Variants in GATA6 observed in about 807,000 individuals in gnomAD.
The protein encoded by GATA6 is GATA binding protein 6.
Under a neutral mutation model 48.1 loss-of-function variants are expected in GATA6, and 11 were observed. The ratio of observed to expected loss-of-function variants is 0.23; its 90% CI spans 0.14 to 0.38. GATA6 has a LOEUF of 0.38. GATA6 is among the 10% of genes least tolerant of loss of function. GATA6 has a pLI of 1.00. For synonymous variants in GATA6, 419 were observed against 396.1 expected, an observed-to-expected ratio of 1.06 and a Z score of -0.69; for missense variants, 795 against 850.3, an observed-to-expected ratio of 0.93 and a Z score of 0.81.
intron 4 of GATA6, among the ~76,000 whole-genome samples, chr18:22,182,246 A>T (rs1278969402): frequency 2.0e-5 from 3 of 152,088 alleles, no homozygotes; most frequent in Non-Finnish European, 2.9e-5. Context: ...AAATCATCTC[A>T]TTCTTTCTGA....
intron 6 of GATA6, among the ~76,000 whole-genome samples, chr18:22,196,018 C>T (rs1314953501): frequency 6.6e-6 from 1 of 152,236 alleles, no homozygotes; most frequent in Non-Finnish European, 1.5e-5. Flanking sequence ...CTTGACATTG[C>T]AGCTAACTGC....
chr18:22,172,090 G>C lies in GATA6; in HGVS notation c.946G>C (p.Ala316Pro), dbSNP rs1345945623. ...GCCCCAGTACAGCTCGCTGTCGGCCGCGCGGCCGCTGAACGGGACGTACCA... is the reference window on the plus strand; with the variant it reads ...GCCCCAGTACAGCTCGCTGTCGGCCCCGCGGCCGCTGAACGGGACGTACCA... ...REPQYSSLSAARPLNGTYHHH... is the reference protein window; with the variant it reads ...REPQYSSLSAPRPLNGTYHHH... Residue 316 changes from alanine (A) to proline (P), a missense_variant, in exon 2 of 7, where the codon GCG becomes CCG. Coordinates refer to ENST00000269216, the MANE Select transcript of GATA6 (RefSeq NM_005257.6). The surrounding 1 kb of genome is among the most constrained non-coding windows in gnomAD (Gnocchi z 5.2). The C allele has an allele frequency of 1.0e-5, 15 of 1,463,850 alleles. No individual in the cohort carries two copies. The East Asian group carries it at 2.9e-4, about 28-fold the overall frequency. The allele number at this position is 1,463,850 out of a possible 1,614,324, so 90.7% of individuals were successfully genotyped here.
intron 6 of GATA6, among the ~76,000 whole-genome samples, chr18:22,193,595 AGG>A (rs1376074157): frequency 1.3e-5 from 2 of 152,202 alleles, no homozygotes; most frequent in African/African-American, 4.8e-5. Flanking sequence ...ATGTGTAGGA[AGG>A]ACGGATCAGA....
intron 3 of GATA6, 152 bp from the exon 4 acceptor site, chr18:22,181,301 T>C (rs1479814466): frequency 1.1e-6 from 1 of 926,382 alleles, no homozygotes; most frequent in Non-Finnish European, 1.6e-6. Flanking sequence ...TCAGTATAAG[T>C]ACACTGCAAT....
intron 3 of GATA6, among the ~76,000 whole-genome samples, chr18:22,179,496 AAAG>A (rs2033167604): frequency 6.6e-6 from 1 of 152,220 alleles, no homozygotes; most frequent in Admixed American, 6.5e-5. Context: ...TGACAGTCAT[AAAG>A]TCCTTTGTTA....
chr18:22,171,690 G>A lies in GATA6; in HGVS notation c.546G>A (p.Ala182=). The change falls in exon 2 of 7, where the codon GCG becomes GCA. Residue 182 remains alanine (A), a synonymous_variant. Coordinates refer to ENST00000269216, the MANE Select transcript of GATA6 (RefSeq NM_005257.6). The surrounding 1 kb of genome is among the most constrained non-coding windows in gnomAD (Gnocchi z 7.1). ...CCGCGGCGGCAGCAGCCGCGGCGGC[G>A]GCCAGCTCCCCGGTCTACGTGCCCA... ...SAAAAAAAAA[A]ASSPVYVPTT... is the part of the protein sequence containing the mutation. The A allele has an allele frequency of 6.7e-7, 1 of 1,498,168 alleles. No homozygotes were observed. The highest frequency in any genetic ancestry group is 1.5e-5 in the African/African-American group (1 of 68,504). The allele number at this position is 1,498,168 out of a possible 1,614,324, so 92.8% of individuals were successfully genotyped here. A position where few individuals can be genotyped will look rare whatever the true frequency, so the allele number is the denominator to read the frequency against.
At chr18:22,200,618 CCTT>C (rs755890880) in intron 6 of GATA6, 35 bp from the exon 7 acceptor site, 6 of 1,613,616 alleles carry the variant, frequency 3.7e-6, no homozygotes. Context: ...CCGCTTCTCA[CCTT>C]CTCGTCTCTC....
In GATA6 at chr18:22,170,557, G is replaced by A. The variant is rs901599254; in HGVS notation, c.-37-551G>A. On this transcript the variant is annotated intron_variant, in intron 1 of 6. Transcript: ENST00000269216. This position sits in a 1 kb window ranked among gnomAD's most constrained non-coding sequence, Gnocchi z 6.7. ...GGAAGCTCTGGGAGAGCCAATATAG[G>A]AGAACGCGGCGGTTTCGTTTTCGGG... Among the ~76,000 whole-genome samples the A allele has an allele frequency of 1.3e-5, 2 of 152,240 alleles. No homozygotes were observed. Among genetic ancestry groups the A allele is most frequent in the Non-Finnish European group, 2.9e-5 (2 of 68,042 alleles).
At chr18:22,192,891 T>A (rs1598741208) in intron 6 of GATA6, among the ~76,000 whole-genome samples, 1 of 152,354 alleles carries the variant, frequency 6.6e-6, no homozygotes, top group East Asian at 1.9e-4. Context: ...CACCACAACA[T>A]GCTTGCTGTT....
chr18:22,197,796 CCTTCTCA>C (rs2033409861), intron 6 of GATA6, among the ~76,000 whole-genome samples: 1 of 143,412 alleles, frequency 7.0e-6, no homozygotes, highest in Admixed American at 7.4e-5. Context: ...TGCTTCCCCT[CCTTCTCA>C]TACTCCTGTG....
intron 6 of GATA6, among the ~76,000 whole-genome samples, chr18:22,192,377 CA>C (rs1308626523): frequency 2.0e-5 from 3 of 152,122 alleles, no homozygotes; most frequent in Non-Finnish European, 4.4e-5. Context: ...ATTTGCGTGG[CA>C]TTTTTTTTCA....
In GATA6 at chr18:22,177,810, C is replaced by T. The variant is rs1406470140; in HGVS notation, c.1302+689C>T. Among the ~76,000 whole-genome samples, 5 of 152,178 alleles carry T rather than the reference C, an allele frequency of 3.3e-5. No individual in the cohort carries two copies. In the East Asian group the frequency reaches 9.6e-4, roughly 29 times the overall value. ...CCCCAAATACCATATCTTGGATTGC[C>T]CTTGAGCCTGGTGAAAATTTATTTG... On this transcript the variant is annotated intron_variant, in intron 3 of 6. Coordinates refer to ENST00000269216, the MANE Select transcript of GATA6 (RefSeq NM_005257.6).
rs1465925778 is a variant in GATA6, at chr18:22,171,950, C to A, written c.806C>A (p.Pro269Gln). ...GCGCGCTTCCCCTACTCTCCCAGCCCGCCCATGGCCAACGGCGCCGCGCGG... is the reference window on the plus strand; with the variant it reads ...GCGCGCTTCCCCTACTCTCCCAGCCAGCCCATGGCCAACGGCGCCGCGCGG... ...VSARFPYSPS[P>Q]PMANGAAREP... The change falls in exon 2 of 7, where the codon CCG becomes CAG. Residue 269 changes from proline to glutamine, a missense_variant. Around this residue, in one of 5 missense-constraint regions of GATA6, gnomAD observed 591 missense variants for 570.0 expected, o/e 1.04. Transcript: ENST00000269216. This position sits in a 1 kb window ranked among gnomAD's most constrained non-coding sequence, Gnocchi z 7.1. 3 of 1,198,170 alleles carry A rather than the reference C, an allele frequency of 2.5e-6. No homozygotes were observed. The highest frequency in any genetic ancestry group is 1.6e-5 in the African/African-American group (1 of 62,880). 74.2% of individuals were successfully genotyped at this position (1,198,170 alleles called of 1,614,324 possible). A position where few individuals can be genotyped will look rare whatever the true frequency, so the allele number is the denominator to read the frequency against.
At chr18:22,176,672 C>T in intron 2 of GATA6, 1 of 376,298 alleles carries the variant, frequency 2.7e-6, no homozygotes, top group Admixed American at 4.7e-5. Context: ...CTCCCCACCG[C>T]TCATCTCGGA....
intron 2 of GATA6, 111 bp from the exon 3 acceptor site, chr18:22,176,844 A>T: frequency 1.6e-6 from 2 of 1,271,822 alleles, no homozygotes; most frequent in Non-Finnish European, 2.1e-6. Context: ...CGGGAAGGGC[A>T]CGGGCAGGGA....
At chr18:22,180,944 G>C (rs1055793923) in intron 3 of GATA6, among the ~76,000 whole-genome samples, 2 of 152,074 alleles carry the variant, frequency 1.3e-5, no homozygotes, top group African/African-American at 2.4e-5. Context: ...TGTCCACGGT[G>C]GGGGGTGGGC....
rs1311681391 is a variant in GATA6 at position 22,177,101 on chromosome 18, A to G, written c.1282A>G (p.Ile428Val). ...GATGAACGGCCTCAGCCGGCCCCTC[A>G]TCAAGCCGCAGAAGCGCGTGGTGAG... is the stretch of plus-strand genomic sequence containing the variant. ...SKMNGLSRPLIKPQKRVPSSR... is the reference protein window; with the variant it reads ...SKMNGLSRPLVKPQKRVPSSR... Residue 428 changes from isoleucine to valine, a missense_variant, in exon 3 of 7, where the codon ATC (isoleucine) becomes GTC (valine). Coordinates refer to ENST00000269216, the MANE Select transcript of GATA6 (RefSeq NM_005257.6). The G allele has an allele frequency of 1.9e-6, 3 of 1,552,416 alleles. No homozygotes were observed. Among genetic ancestry groups the G allele is most frequent in the East Asian group, 2.4e-5 (1 of 41,090 alleles).
At chr18:22,198,361 G>A (rs1001085695) in intron 6 of GATA6, among the ~76,000 whole-genome samples, 16 of 152,152 alleles carry the variant, frequency 1.1e-4, no homozygotes, top group African/African-American at 3.1e-4. Context: ...ACGAGCCACC[G>A]TGCCCAGCCT....
chr18:22,188,884 G>T (rs2033295626), intron 6 of GATA6, among the ~76,000 whole-genome samples: 1 of 152,134 alleles, frequency 6.6e-6, no homozygotes, highest in Non-Finnish European at 1.5e-5. Flanking sequence ...TGGCTGCCTG[G>T]CTACCTCTTC....
Sources: gnomAD v4.1 joint callset for allele counts (sites outside exome capture counted in the v4.1 genomes callset) on GRCh38, gnomAD v4.1.1 for gene constraint, gnomAD v4.1.1 regional missense constraint, Gnocchi (gnomAD v3.1) non-coding constraint, MANE v1.5 for transcripts, NCBI Gene and HGNC (gene_info 2026-07-23, HGNC 2026-07-21) for gene names.